AFTPH: variants seen among roughly 807,000 people sequenced by gnomAD.
AFTPH encodes the protein aftiphilin protein.
Under a neutral mutation model 72.5 loss-of-function variants are expected in AFTPH, and 7 were observed. The observed-to-expected ratio is 0.10, with a 90% CI of 0.05 to 0.18. AFTPH has a LOEUF of 0.18. Among genes scored for constraint, AFTPH ranks in the 10% least tolerant of loss-of-function variants. AFTPH has a pLI of 1.00. For missense variants in AFTPH, 979 were observed against 1,060.5 expected (o/e 0.92, Z 1.07); for synonymous variants, 337 against 370.1 (o/e 0.91, Z 1.03).
intron 1 of AFTPH, among the ~76,000 whole-genome samples, chr2:64,544,827 G>T (rs1670466072): frequency 6.6e-6 from 1 of 152,106 alleles, no homozygotes; most frequent in South Asian, 2.1e-4. Flanking sequence ...TTTCTAAAGG[G>T]TAAGTTGGGT....
chr2:64,585,839 C>T (rs1673472320), intron 8 of AFTPH, among the ~76,000 whole-genome samples: 1 of 132,278 alleles, frequency 7.6e-6, no homozygotes, highest in African/African-American at 2.8e-5. Flanking sequence ...GTATTGTGAT[C>T]ATAAAGCCAT....
exon 9 of AFTPH, chr2:64,592,225 A>G (rs541906002): frequency 3.7e-5 from 17 of 459,632 alleles, no homozygotes; most frequent in Non-Finnish European, 5.9e-5. Flanking sequence ...CTAAATTTAT[A>G]TTAGAAAAAT....
At chr2:64,535,593 A>C (rs1396518406) in intron 1 of AFTPH, among the ~76,000 whole-genome samples, 1 of 151,392 alleles carries the variant, frequency 6.6e-6, no homozygotes, top group Non-Finnish European at 1.5e-5. Context: ...AACTGAATGT[A>C]TGAATAAACT....
At chr2:64,585,770 G>A (rs930470556) in intron 8 of AFTPH, among the ~76,000 whole-genome samples, 5 of 152,080 alleles carry the variant, frequency 3.3e-5, no homozygotes, top group African/African-American at 1.2e-4. Context: ...GACAGATGTG[G>A]TTTTCTTCCC....
intron 1 of AFTPH, among the ~76,000 whole-genome samples, chr2:64,550,805 T>G (rs1014768965): frequency 6.6e-6 from 1 of 152,056 alleles, no homozygotes; most frequent in African/African-American, 2.4e-5. Flanking sequence ...GGTTTGACCA[T>G]GTGTTATGGT....
chr2:64,578,249 C>G (rs1039675831), intron 6 of AFTPH, among the ~76,000 whole-genome samples: 9 of 152,116 alleles, frequency 5.9e-5, no homozygotes, highest in African/African-American at 1.9e-4. Flanking sequence ...AGTGATCTTA[C>G]CTACCTACGC....
At chr2:64,529,603 GA>G (rs1171579997) in intron 1 of AFTPH, among the ~76,000 whole-genome samples, 3 of 148,840 alleles carry the variant, frequency 2.0e-5, no homozygotes, top group Non-Finnish European at 4.4e-5. Context: ...GAGCATCATA[GA>G]AAATAGACAA....
chr2:64,556,088 A>T (rs970477321), intron 2 of AFTPH, among the ~76,000 whole-genome samples: 1 of 150,742 alleles, frequency 6.6e-6, no homozygotes, highest in Non-Finnish European at 1.5e-5. Context: ...CCCGGGTTCA[A>T]GCAGTTCTCC....
intron 1 of AFTPH, among the ~76,000 whole-genome samples, chr2:64,542,095 A>AT (rs1670288729): frequency 6.6e-6 from 1 of 152,202 alleles, no homozygotes; most frequent in Non-Finnish European, 1.5e-5. Flanking sequence ...TGATGTACAC[A>AT]TTGATACAGC....
At chr2:64,542,614 A>G (rs1462452977) in intron 1 of AFTPH, among the ~76,000 whole-genome samples, 1 of 152,114 alleles carries the variant, frequency 6.6e-6, no homozygotes, top group Non-Finnish European at 1.5e-5. Context: ...GTTTGTTATC[A>G]GCATCCCCCC....
At chr2:64,590,565 A>G (rs913421733) in intron 8 of AFTPH, among the ~76,000 whole-genome samples, 2 of 152,194 alleles carry the variant, frequency 1.3e-5, no homozygotes, top group Non-Finnish European at 2.9e-5. Flanking sequence ...CCAGTTCCCC[A>G]TCAAACGTCC....
exon 4 of AFTPH, chr2:64,569,140 T>A: frequency 6.2e-7 from 1 of 1,614,130 alleles, no homozygotes; most frequent in Non-Finnish European, 8.5e-7. Context: ...ATGATGCACA[T>A]GGCTTGAGAT....
At chr2:64,564,992 C>G (rs917966507) in intron 2 of AFTPH, among the ~76,000 whole-genome samples, 2 of 151,898 alleles carry the variant, frequency 1.3e-5, no homozygotes, top group Non-Finnish European at 2.9e-5. Context: ...GCGTGCGCCA[C>G]CATGCCCTGC....
At chr2:64,527,979 C>G (rs945050670) in intron 1 of AFTPH, among the ~76,000 whole-genome samples, 1 of 152,156 alleles carries the variant, frequency 6.6e-6, no homozygotes, top group Non-Finnish European at 1.5e-5. Flanking sequence ...TGGGGAATCA[C>G]TGCTTATTGA....
chr2:64,587,612 A>G (rs939845916), intron 8 of AFTPH, among the ~76,000 whole-genome samples: 6 of 152,224 alleles, frequency 3.9e-5, no homozygotes, highest in African/African-American at 1.4e-4. Flanking sequence ...TTGATAGACT[A>G]TAGGGTAAGA....
intron 1 of AFTPH, among the ~76,000 whole-genome samples, chr2:64,541,985 C>T (rs946431194): frequency 6.6e-6 from 1 of 151,998 alleles, no homozygotes; most frequent in Non-Finnish European, 1.5e-5. Context: ...CTTCTTTCTA[C>T]AATATCTTTT....
At chr2:64,559,500 A>AT (rs933444400) in intron 2 of AFTPH, among the ~76,000 whole-genome samples, 2 of 152,134 alleles carry the variant, frequency 1.3e-5, no homozygotes, top group African/African-American at 4.8e-5. Context: ...AGAAGAGCTG[A>AT]TTTTTTAGCT....
intron 1 of AFTPH, among the ~76,000 whole-genome samples, chr2:64,529,234 G>A (rs1669457605): frequency 6.6e-6 from 1 of 151,836 alleles, no homozygotes; most frequent in Admixed American, 6.6e-5. Flanking sequence ...TCCTTGATAG[G>A]GGCCCCATGC....
At chr2:64,527,989 AT>A (rs1669381409) in intron 1 of AFTPH, among the ~76,000 whole-genome samples, 1 of 152,206 alleles carries the variant, frequency 6.6e-6, no homozygotes, top group Admixed American at 6.5e-5. Context: ...CTGCTTATTG[AT>A]TTGGGATAAT....
Sources: gnomAD v4.1 joint callset for allele counts (sites outside exome capture counted in the v4.1 genomes callset) on GRCh38, gnomAD v4.1.1 for gene constraint, MANE v1.5 for transcripts, NCBI Gene and HGNC (gene_info 2026-07-23, HGNC 2026-07-21) for gene names.